TEC: variants seen among roughly 807,000 people sequenced by gnomAD.
TEC encodes the protein tyrosine-protein kinase Tec.
TEC carries 72 observed loss-of-function variants against 93.0 expected under a neutral mutation model. That is an observed-to-expected ratio of 0.77 (90% confidence interval 0.64 to 0.94). The LOEUF is 0.94. TEC is among the 40% of genes least tolerant of loss of function. The pLI is 0.00. For synonymous variants in TEC, 249 were observed against 247.7 expected (o/e 1.01, Z -0.05); for missense variants, 630 against 757.9 (o/e 0.83, Z 1.98).
intron 9 of TEC, among the ~76,000 whole-genome samples, chr4:48,156,304 T>A (rs1720397134): frequency 6.6e-6 from 1 of 152,194 alleles, no homozygotes; most frequent in Non-Finnish European, 1.5e-5. Context: ...AATGCTTTCA[T>A]AAAGATGTTT....
chr4:48,216,282 C>A (rs556703208), intron 2 of TEC, among the ~76,000 whole-genome samples: 1 of 151,566 alleles, frequency 6.6e-6, no homozygotes, highest in African/African-American at 2.4e-5. Context: ...CAGGTCTATA[C>A]TCTTGCCACC....
intron 14 of TEC, among the ~76,000 whole-genome samples, chr4:48,142,924 C>T (rs766629438): frequency 2.7e-4 from 41 of 152,184 alleles, no homozygotes; most frequent in Admixed American, 7.2e-4. Flanking sequence ...CTTCGTGATC[C>T]GCCCGCCTCG....
chr4:48,174,193 AG>A (rs982597637), intron 3 of TEC, among the ~76,000 whole-genome samples: 2 of 152,194 alleles, frequency 1.3e-5, no homozygotes, highest in African/African-American at 4.8e-5. Flanking sequence ...TTAGTAGTTC[AG>A]GGATGGAATG....
rs770895968 is a variant in TEC at position 48,167,971 on chromosome 4, C to T, written c.496-18G>A. 53 of 1,612,066 alleles carry T rather than the reference C, an allele frequency of 3.3e-5. No homozygotes were observed. The highest frequency in any genetic ancestry group is 4.2e-5 in the Non-Finnish European group (50 of 1,178,834). On this transcript the variant is annotated intron_variant, in intron 6 of 17. Transcript: ENST00000381501. ...GGCCTTCGCTAGACAAGGAAGATAA[C>T]ATTTGAAAGTTTAGTCTTCTATATG...
intron 1 of TEC, among the ~76,000 whole-genome samples, chr4:48,249,955 G>T (rs1194542028): frequency 6.6e-6 from 1 of 152,218 alleles, no homozygotes; most frequent in South Asian, 2.1e-4. Flanking sequence ...ACTGGCTGAT[G>T]GATTTCAGTA....
chr4:48,228,444 A>G, intron 2 of TEC, 33 bp downstream of exon 2: 1 of 1,542,460 alleles, frequency 6.5e-7, no homozygotes, highest in Non-Finnish European at 8.7e-7. Context: ...ATCTACATAG[A>G]AAGCAGAAAA....
In TEC at chr4:48,137,695, A is replaced by C. The variant is rs1367498308; in HGVS notation, c.1813-196T>G. Among the ~76,000 whole-genome samples the C allele has an allele frequency of 3.9e-5, 6 of 152,194 alleles. No individual in the cohort carries two copies. In the East Asian group the frequency reaches 9.6e-4, roughly 24 times the overall value. Reference sequence around the variant, plus strand: ...GTACTGCTGCTAGGCTAACGTTTCTAAGACACTGCTTTCATGTCTCTCTTC... The same window carrying C: ...GTACTGCTGCTAGGCTAACGTTTCTCAGACACTGCTTTCATGTCTCTCTTC... On this transcript the variant is annotated intron_variant, in intron 17 of 17. Coordinates refer to ENST00000381501, the MANE Select transcript of TEC (RefSeq NM_003215.3).
rs557976691 is a variant in TEC at position 48,159,240 on chromosome 4, C to T, written c.738-2506G>A. On this transcript the variant is annotated intron_variant, in intron 8 of 17. Coordinates refer to ENST00000381501, the MANE Select transcript of TEC (RefSeq NM_003215.3). ...AGAAGAGGTATATTTGGCTCATGGTCCTGCAGGCTGTACAAGAAGCATGGT... is the reference window on the plus strand; with the variant it reads ...AGAAGAGGTATATTTGGCTCATGGTTCTGCAGGCTGTACAAGAAGCATGGT... 9.8e-5 allele frequency among the ~76,000 whole-genome samples: 15 copies of T among 152,296 alleles called. No individual in the cohort carries two copies. The South Asian group carries it at 3.1e-3, about 32-fold the overall frequency.
chr4:48,176,395 G>A (rs1021220906), intron 2 of TEC, among the ~76,000 whole-genome samples: 1 of 146,192 alleles, frequency 6.8e-6, no homozygotes, highest in Non-Finnish European at 1.5e-5. Context: ...AATTTATCAA[G>A]ATGAAACTGT....
intron 1 of TEC, among the ~76,000 whole-genome samples, chr4:48,263,345 T>C (rs1242382149): frequency 6.6e-6 from 1 of 152,198 alleles, no homozygotes; most frequent in Non-Finnish European, 1.5e-5. Flanking sequence ...TAATAGAAGC[T>C]GCACTTCACT....
chr4:48,262,371 A>T (rs1444709307), intron 1 of TEC, among the ~76,000 whole-genome samples: 2 of 151,168 alleles, frequency 1.3e-5, no homozygotes, highest in Non-Finnish European at 3.0e-5. Context: ...TAATTTTTGT[A>T]TTTTTAGTAA....
chr4:48,186,437 G>A (rs1207957358), intron 2 of TEC, among the ~76,000 whole-genome samples: 3 of 149,004 alleles, frequency 2.0e-5, no homozygotes, highest in Admixed American at 1.3e-4. Context: ...GCCGCCCATC[G>A]TCTGAGATGT....
At chr4:48,212,924 A>G (rs953098850) in intron 2 of TEC, among the ~76,000 whole-genome samples, 5 of 152,228 alleles carry the variant, frequency 3.3e-5, no homozygotes, top group South Asian at 2.1e-4. Flanking sequence ...CACTGGGTAC[A>G]CACTCACTAA....
In TEC at chr4:48,194,488, T is replaced by C. The variant is rs571313025; in HGVS notation, c.139-18302A>G. The stretch of plus-strand genomic sequence containing the variant: ...GTTTGTTTTCTAGACGTCTTTAAAA[T>C]ACTAAACTGCATATAATGGCAGCTT... On this transcript the variant is annotated intron_variant, in intron 2 of 17. Transcript: ENST00000381501. 1.8e-4 allele frequency among the ~76,000 whole-genome samples: 27 copies of C among 152,326 alleles called. No homozygotes were observed. In the Middle Eastern group the frequency reaches 0.014, roughly 77 times the overall value.
chr4:48,174,192 C>T (rs1024142806), intron 3 of TEC, among the ~76,000 whole-genome samples: 1 of 152,064 alleles, frequency 6.6e-6, no homozygotes, highest in Non-Finnish European at 1.5e-5. Flanking sequence ...TTTAGTAGTT[C>T]AGGGATGGAA....
At chr4:48,220,692 G>A (rs141885617) in intron 2 of TEC, among the ~76,000 whole-genome samples, 1 of 152,138 alleles carries the variant, frequency 6.6e-6, no homozygotes, top group East Asian at 1.9e-4. Context: ...CAATACGAAT[G>A]GACTAATACA....
rs531912269 is a variant in TEC, at chr4:48,149,752, T to C, written c.873-62A>G. ...AAATAATAGAACTTCATTCTTAAGATGTTTTCTACAAGGGCAACCACAGTG... is the reference window on the plus strand; with the variant it reads ...AAATAATAGAACTTCATTCTTAAGACGTTTTCTACAAGGGCAACCACAGTG... On this transcript the variant is annotated intron_variant, in intron 10 of 17. Coordinates refer to ENST00000381501, the MANE Select transcript of TEC (RefSeq NM_003215.3). The C allele has an allele frequency of 1.3e-5, 20 of 1,523,260 alleles. No individual in the cohort carries two copies. The South Asian group carries it at 2.5e-4, about 19-fold the overall frequency. The allele number at this position is 1,523,260 out of a possible 1,614,324, so 94.4% of individuals were successfully genotyped here.
chr4:48,188,673 A>G (rs1323547357), intron 2 of TEC, among the ~76,000 whole-genome samples: 2 of 152,202 alleles, frequency 1.3e-5, no homozygotes, highest in African/African-American at 4.8e-5. Context: ...GTGTGCATTC[A>G]CATACTTATA....
At chr4:48,181,318 T>C (rs1023496214) in intron 2 of TEC, among the ~76,000 whole-genome samples, 3 of 152,136 alleles carry the variant, frequency 2.0e-5, no homozygotes, top group Non-Finnish European at 4.4e-5. Context: ...GTATATATAG[T>C]GGCAGCTTAT....
Sources: gnomAD v4.1 joint callset for allele counts (sites outside exome capture counted in the v4.1 genomes callset) on GRCh38, gnomAD v4.1.1 for gene constraint, MANE v1.5 for transcripts, NCBI Gene and HGNC (gene_info 2026-07-23, HGNC 2026-07-21) for gene names.